The following MOCOS variants were observed in gnomAD, a reference collection of about 807,000 sequenced individuals.
MOCOS encodes human molybdenum cofactor sulfurase.
In MOCOS, 86 loss-of-function variants were observed where a neutral mutation model predicts 83.6. The ratio of observed to expected loss-of-function variants is 1.03; its 90% CI spans 0.86 to 1.23. MOCOS has a LOEUF of 1.23. MOCOS is among the 50% of genes most tolerant of loss of function. The pLI, the probability that MOCOS is intolerant of heterozygous loss-of-function variation, is 0.00. For synonymous variants in MOCOS, 445 were observed against 434.7 expected (o/e 1.02, Z -0.29); for missense variants, 1,120 against 1,126.9 (o/e 0.99, Z 0.09).
At chr18:36,250,083 C>G (rs889776655) in intron 10 of MOCOS, among the ~76,000 whole-genome samples, 1 of 152,152 alleles carries the variant, frequency 6.6e-6, no homozygotes, top group Non-Finnish European at 1.5e-5. Flanking sequence ...TGTGGAATAG[C>G]AAATTTTCCA....
At chr18:36,205,428 T>A in intron 6 of MOCOS, 152 bp downstream of exon 6, 1 of 792,150 alleles carries the variant, frequency 1.3e-6, no homozygotes, top group Non-Finnish European at 2.1e-6. Context: ...CGTTTTTCAG[T>A]CCTCTTTACT....
At chr18:36,200,679 C>T (rs2091410352) in intron 4 of MOCOS, among the ~76,000 whole-genome samples, 1 of 152,202 alleles carries the variant, frequency 6.6e-6, no homozygotes, top group Non-Finnish European at 1.5e-5. Flanking sequence ...ACAGTTGAAA[C>T]AGTGGCCTTA....
intron 11 of MOCOS, 25 bp downstream of exon 11, chr18:36,251,308 A>G (rs1598591977): frequency 6.2e-7 from 1 of 1,612,860 alleles, no homozygotes; most frequent in Non-Finnish European, 8.5e-7. Context: ...ATTGGTTCGT[A>G]GAGAACAGGA....
intron 10 of MOCOS, 60 bp downstream of exon 10, chr18:36,249,060 A>G: frequency 7.1e-7 from 1 of 1,401,084 alleles, no homozygotes. Context: ...CAGAGGGGGA[A>G]GAGGGTAATG....
At chr18:36,218,579 A>G (rs1458552545) in intron 8 of MOCOS, among the ~76,000 whole-genome samples, 4 of 152,126 alleles carry the variant, frequency 2.6e-5, no homozygotes, top group Non-Finnish European at 4.4e-5. Flanking sequence ...CAGTGCTGCC[A>G]TCAAAGCTCA....
At position 36,204,042 on chromosome 18, in the gene MOCOS, G is replaced by C. The variant is rs147700212; in HGVS notation, c.1018+853G>C. Among the ~76,000 whole-genome samples, 289 of 152,244 alleles carry C rather than the reference G, an allele frequency of 1.9e-3. 1 individual carries two copies. Among genetic ancestry groups the C allele is most frequent in the South Asian group, 6.0e-3 (29 of 4,818 alleles). On this transcript the variant is annotated intron_variant, in intron 5 of 14. Transcript: ENST00000261326. The stretch of plus-strand genomic sequence containing the variant: ...ACCCTGATTTTTTTCCTATGTCATT[G>C]TTCCTTTTTTAAAAAATAAAAATTG...
intron 4 of MOCOS, among the ~76,000 whole-genome samples, chr18:36,201,281 A>G (rs1490068270): frequency 6.6e-6 from 1 of 152,214 alleles, no homozygotes; most frequent in South Asian, 2.1e-4. Context: ...AGGCTGGACC[A>G]CTGGGGAATG....
chr18:36,270,060 C>A lies in MOCOS; in HGVS notation c.*1375C>A, dbSNP rs368286926. ...ATGGAGCCTAATGATTGCACACTCACGTGCTGTGAAGAGTTAAGGGTAAAA... is the reference window on the plus strand; with the variant it reads ...ATGGAGCCTAATGATTGCACACTCAAGTGCTGTGAAGAGTTAAGGGTAAAA... On this transcript the variant is annotated 3_prime_UTR_variant, in exon 15 of 15. Transcript: ENST00000261326. The A allele has an allele frequency of 2.0e-5, 3 of 152,304 alleles. No individual in the cohort carries two copies. Among genetic ancestry groups the A allele is most frequent in the East Asian group, 3.9e-4 (2 of 5,188 alleles). The allele number at this position is 152,304 out of a possible 1,614,324, so 9.4% of individuals were successfully genotyped here.
intron 1 of MOCOS, among the ~76,000 whole-genome samples, chr18:36,193,242 C>T (rs1245833374): frequency 4.4e-5 from 6 of 135,658 alleles, no homozygotes; most frequent in Non-Finnish European, 7.7e-5. Context: ...ACCCGGGAAG[C>T]GGAGCTTGCA....
rs186503243 is a variant in MOCOS at position 36,217,989 on chromosome 18, G to A, written c.1797+2012G>A. 5.9e-5 allele frequency among the ~76,000 whole-genome samples: 9 copies of A among 152,196 alleles called. No homozygotes were observed. In the East Asian group the frequency reaches 1.7e-3, roughly 29 times the overall value. On this transcript the variant is annotated intron_variant, in intron 8 of 14. Transcript: ENST00000261326. ...CACAGCTGAACTTCTATACCAGAAC[G>A]GTCAACCCAAAGAACATCATCTCCA...
At chr18:36,217,143 C>G (rs2091478881) in intron 8 of MOCOS, among the ~76,000 whole-genome samples, 1 of 152,120 alleles carries the variant, frequency 6.6e-6, no homozygotes, top group African/African-American at 2.4e-5. Context: ...GTTGTAATAT[C>G]AGGTCAATGG....
chr18:36,241,272 A>G (rs1226886615), intron 9 of MOCOS, among the ~76,000 whole-genome samples: 15 of 152,194 alleles, frequency 9.9e-5, no homozygotes, highest in Non-Finnish European at 1.5e-5. Flanking sequence ...CAAAGAAAAA[A>G]CAAGTTAGTT....
intron 5 of MOCOS, among the ~76,000 whole-genome samples, chr18:36,203,972 AG>A (rs1475183276): frequency 2.6e-5 from 4 of 152,238 alleles, no homozygotes; most frequent in African/African-American, 9.6e-5. Context: ...AGGTCCAGGT[AG>A]CTCGGAATGC....
chr18:36,190,272 A>G (rs1019754730), intron 1 of MOCOS: 1 of 152,142 alleles, frequency 6.6e-6, no homozygotes, highest in African/African-American at 2.4e-5. Flanking sequence ...TTTTAAAAGT[A>G]TCTTTTTGGA....
At chr18:36,261,701 A>G (rs2091663938) in intron 13 of MOCOS, among the ~76,000 whole-genome samples, 1 of 152,066 alleles carries the variant, frequency 6.6e-6, no homozygotes. Context: ...AGCAATCTAT[A>G]TTATGTCCTA....
chr18:36,247,356 C>G (rs1003426772), intron 9 of MOCOS, among the ~76,000 whole-genome samples: 5 of 152,188 alleles, frequency 3.3e-5, no homozygotes, highest in African/African-American at 1.2e-4. Context: ...GCAGCTTCTA[C>G]GCTTGTATCT....
intron 4 of MOCOS, among the ~76,000 whole-genome samples, chr18:36,201,674 A>AAAAAAAAAAAAAG (rs1205619664): frequency 4.1e-5 from 6 of 148,034 alleles, no homozygotes; most frequent in South Asian, 4.3e-4. Flanking sequence ...AAAAAAAAAA[A>AAAAAAAAAAAAAG]AAAAAGAAAT....
At chr18:36,249,062 A>G (rs2091612993) in intron 10 of MOCOS, 62 bp downstream of exon 10, 1 of 1,384,528 alleles carries the variant, frequency 7.2e-7, no homozygotes, top group Non-Finnish European at 1.0e-6. Context: ...GAGGGGGAAG[A>G]GGGTAATGCC....
chr18:36,240,950 C>A (rs2091579920), intron 9 of MOCOS, among the ~76,000 whole-genome samples: 1 of 152,354 alleles, frequency 6.6e-6, no homozygotes, highest in African/African-American at 2.4e-5. Flanking sequence ...TCCCTGACCC[C>A]TTGTGCTTCC....
Sources: gnomAD v4.1 joint callset for allele counts (sites outside exome capture counted in the v4.1 genomes callset) on GRCh38, gnomAD v4.1.1 for gene constraint, MANE v1.5 for transcripts, NCBI Gene and HGNC (gene_info 2026-07-23, HGNC 2026-07-21) for gene names.